TRIO: variants seen among roughly 807,000 people sequenced by gnomAD.
TRIO encodes triple functional domain protein.
In TRIO, 58 loss-of-function variants were observed where a neutral mutation model predicts 351.9. The ratio of observed to expected loss-of-function variants is 0.16; its 90% CI spans 0.13 to 0.21. TRIO has a LOEUF of 0.21. Among genes scored for constraint, TRIO ranks in the 10% least tolerant of loss-of-function variants. The pLI is 1.00. For missense variants in TRIO, 3,201 were observed against 4,027.8 expected, an observed-to-expected ratio of 0.79 and a Z score of 5.56; for synonymous variants, 1,758 against 1,595.7, an observed-to-expected ratio of 1.10 and a Z score of -2.42.
intron 53 of TRIO, 74 bp from the exon 54 acceptor site, chr5:14,502,505 G>C: frequency 6.7e-7 from 1 of 1,497,482 alleles, no homozygotes; most frequent in Non-Finnish European, 9.3e-7. Flanking sequence ...GTGAGGGACA[G>C]TGCGTGGCGA....
At chr5:14,177,798 A>G (rs60532087) in intron 1 of TRIO, among the ~76,000 whole-genome samples, 1 of 152,216 alleles carries the variant, frequency 6.6e-6, no homozygotes, top group African/African-American at 2.4e-5. Flanking sequence ...GGACTGCAGG[A>G]AGGAGGGGCT....
chr5:14,509,316 C>G lies in TRIO; in HGVS notation c.*894C>G. On this transcript the variant is annotated 3_prime_UTR_variant, in exon 57 of 57. Coordinates refer to ENST00000344204, the MANE Select transcript of TRIO (RefSeq NM_007118.4). ...TTTATGCAACTATTTATGAAGACCT[C>G]TGTTGTACCTGTAATAAATATATAG... 1 of 412,316 alleles carries G rather than the reference C, an allele frequency of 2.4e-6. No homozygotes were observed. Among genetic ancestry groups the G allele is most frequent in the South Asian group, 1.7e-5 (1 of 57,306 alleles). 25.5% of individuals were successfully genotyped at this position (412,316 alleles called of 1,614,324 possible).
intron 1 of TRIO, among the ~76,000 whole-genome samples, chr5:14,182,865 C>T (rs779762906): frequency 1.6e-5 from 1 of 61,848 alleles, no homozygotes. Context: ...AGTGGAGACC[C>T]CCCCCCCTCC....
At chr5:14,367,402 C>T (rs1744696964) in intron 16 of TRIO, among the ~76,000 whole-genome samples, 1 of 152,178 alleles carries the variant, frequency 6.6e-6, no homozygotes, top group African/African-American at 2.4e-5. Flanking sequence ...CTCAACCAAG[C>T]AGAGAGCTCA....
At chr5:14,219,296 C>G (rs1205249728) in intron 1 of TRIO, among the ~76,000 whole-genome samples, 1 of 152,094 alleles carries the variant, frequency 6.6e-6, no homozygotes, top group Non-Finnish European at 1.5e-5. Context: ...CCTTACCCCC[C>G]GCCCACAGTG....
Position 14,229,289 on chromosome 5 carries a change from G to A in TRIO, c.158-41536G>A, listed in dbSNP as rs1024002269. On this transcript the variant is annotated intron_variant, in intron 1 of 56. Coordinates refer to ENST00000344204, the MANE Select transcript of TRIO (RefSeq NM_007118.4). ...ATCTCAGCTACTGAGCTCTGCAGTT[G>A]TAGTGGGATGGTGGCCACCTAGTAG... Among the ~76,000 whole-genome samples, 7 of 152,336 alleles carry A rather than the reference G, an allele frequency of 4.6e-5. No individual in the cohort carries two copies. In the South Asian group the frequency reaches 1.5e-3, roughly 32 times the overall value.
chr5:14,231,429 C>T (rs1224582439), intron 1 of TRIO, among the ~76,000 whole-genome samples: 2 of 152,150 alleles, frequency 1.3e-5, no homozygotes. Context: ...ACTTAATTTT[C>T]CCAAACCAGA....
chr5:14,233,674 A>G (rs1793603161), intron 1 of TRIO, among the ~76,000 whole-genome samples: 2 of 152,108 alleles, frequency 1.3e-5, no homozygotes, highest in Non-Finnish European at 2.9e-5. Context: ...CAGGCATGGG[A>G]TTCCGGGCAT....
intron 1 of TRIO, among the ~76,000 whole-genome samples, chr5:14,253,187 G>A (rs1794840154): frequency 6.6e-6 from 1 of 152,010 alleles, no homozygotes; most frequent in Non-Finnish European, 1.5e-5. Flanking sequence ...CGGTCTTCTG[G>A]GTATGGGAAG....
intron 29 of TRIO, among the ~76,000 whole-genome samples, chr5:14,397,881 A>AT (rs1171066202): frequency 2.0e-5 from 3 of 152,060 alleles, no homozygotes; most frequent in Non-Finnish European, 4.4e-5. Context: ...TCATGATGTC[A>AT]TCCAGGACCC....
At chr5:14,504,299 C>A in intron 54 of TRIO, 94 bp from the exon 55 acceptor site, 2 of 1,394,634 alleles carry the variant, frequency 1.4e-6, no homozygotes, top group Non-Finnish European at 2.0e-6. Context: ...CAGGGCTGGG[C>A]CACCACACAG....
intron 19 of TRIO, among the ~76,000 whole-genome samples, chr5:14,377,316 G>A (rs910161498): frequency 1.3e-5 from 2 of 151,664 alleles, no homozygotes; most frequent in African/African-American, 2.4e-5. Flanking sequence ...CATGATCTTG[G>A]CTCACTGCAG....
At chr5:14,425,708 AGAGCCC>A (rs937222637) in intron 34 of TRIO, among the ~76,000 whole-genome samples, 2 of 152,346 alleles carry the variant, frequency 1.3e-5, no homozygotes. Context: ...TCATGAGGGC[AGAGCCC>A]TTGAGAATGG....
intron 55 of TRIO, 73 bp downstream of exon 55, chr5:14,504,666 G>C: frequency 6.5e-7 from 1 of 1,536,448 alleles, no homozygotes; most frequent in Non-Finnish European, 8.9e-7. Flanking sequence ...GTTCCTGTTT[G>C]TTCTCTAAGA....
intron 33 of TRIO, among the ~76,000 whole-genome samples, chr5:14,412,050 T>C (rs1749253610): frequency 6.6e-6 from 1 of 151,416 alleles, no homozygotes; most frequent in Non-Finnish European, 1.5e-5. Context: ...TACAGTGGCA[T>C]GACCTTTGCT....
intron 46 of TRIO, among the ~76,000 whole-genome samples, chr5:14,484,722 G>A (rs563979675): frequency 6.6e-6 from 1 of 152,060 alleles, no homozygotes; most frequent in Admixed American, 6.6e-5. Flanking sequence ...TCTTCATCTT[G>A]CAGAGCTAAA....
At chr5:14,507,314 T>C (rs1222136987) in intron 56 of TRIO, 54 bp downstream of exon 56, 5 of 1,597,632 alleles carry the variant, frequency 3.1e-6, no homozygotes, top group Admixed American at 1.8e-5. Context: ...GGCTTGGCCA[T>C]GCGGGACACA....
chr5:14,440,711 A>G (rs1751958953), intron 34 of TRIO: 1 of 151,916 alleles, frequency 6.6e-6, no homozygotes, highest in Admixed American at 6.6e-5. Context: ...CTTTTTTTTT[A>G]TCAAGTCACA....
At chr5:14,151,970 G>A (rs1432063324) in intron 1 of TRIO, among the ~76,000 whole-genome samples, 3 of 151,402 alleles carry the variant, frequency 2.0e-5, no homozygotes, top group African/African-American at 7.3e-5. Flanking sequence ...AAATGATAAG[G>A]ACCGAGAGCT....
Sources: allele counts gnomAD v4.1 joint callset (sites outside exome capture counted in the v4.1 genomes callset), GRCh38; gene constraint gnomAD v4.1.1; transcripts MANE v1.5; gene names NCBI Gene and HGNC (gene_info 2026-07-23, HGNC 2026-07-21).